GIGYF2: variants seen among roughly 807,000 people sequenced by gnomAD.
The protein encoded by GIGYF2 is GRB10 interacting GYF protein 2.
In GIGYF2, 25 loss-of-function variants were observed where a neutral mutation model predicts 208.1. The observed-to-expected ratio is 0.12, with a 90% CI of 0.09 to 0.17. The LOEUF (loss-of-function observed/expected upper bound fraction) is 0.17. Ranked by LOEUF, GIGYF2 falls within the 10% of genes least tolerant of loss-of-function variation. The pLI, the probability that GIGYF2 is intolerant of heterozygous loss-of-function variation, is 1.00. For synonymous variants in GIGYF2, 534 were observed against 543.8 expected, an observed-to-expected ratio of 0.98 and a Z score of 0.25; for missense variants, 1,302 against 1,579.4, an observed-to-expected ratio of 0.82 and a Z score of 2.98.
chr2:232,704,270 A>G (rs1695984603), intron 2 of GIGYF2, among the ~76,000 whole-genome samples: 1 of 152,132 alleles, frequency 6.6e-6, no homozygotes, highest in African/African-American at 2.4e-5. Context: ...TTCTAGGAAA[A>G]TGTCCTGTGT....
intron 28 of GIGYF2, among the ~76,000 whole-genome samples, chr2:232,852,982 T>C (rs1690418121): frequency 6.6e-6 from 1 of 152,164 alleles, no homozygotes; most frequent in African/African-American, 2.4e-5. Context: ...GGAATCCATA[T>C]ACCTTGAAGG....
chr2:232,839,229 A>G (rs941634519), intron 22 of GIGYF2, among the ~76,000 whole-genome samples: 9 of 152,200 alleles, frequency 5.9e-5, no homozygotes, highest in African/African-American at 1.9e-4. Context: ...AATATTCAGG[A>G]CCTAGATATT....
At chr2:232,811,396 TGAAA>T (rs1574912132) in intron 17 of GIGYF2, 45 bp downstream of exon 17, 1 of 1,124,220 alleles carries the variant, frequency 8.9e-7, no homozygotes, top group Non-Finnish European at 1.4e-6. Flanking sequence ...GCATGTGTTG[TGAAA>T]GAAAGAGAAG....
chr2:232,701,670 C>T (rs192407444), intron 1 of GIGYF2, among the ~76,000 whole-genome samples: 30 of 151,968 alleles, frequency 2.0e-4, no homozygotes, highest in African/African-American at 5.5e-4. Flanking sequence ...GTGATACTCC[C>T]GCTTCAGCTT....
chr2:232,724,817 C>T (rs1697125026), intron 2 of GIGYF2: 1 of 152,096 alleles, frequency 6.6e-6, no homozygotes, highest in South Asian at 2.1e-4. Context: ...TCTCCTAAAG[C>T]TTTGGGATTA....
intron 27 of GIGYF2, among the ~76,000 whole-genome samples, chr2:232,848,664 C>G (rs1559168941): frequency 6.6e-6 from 1 of 151,896 alleles, no homozygotes; most frequent in African/African-American, 2.4e-5. Context: ...AAATCATTAA[C>G]AAAAAGCACA....
At chr2:232,714,231 G>A (rs1030428974) in intron 2 of GIGYF2, among the ~76,000 whole-genome samples, 1 of 152,080 alleles carries the variant, frequency 6.6e-6, no homozygotes, top group African/African-American at 2.4e-5. Context: ...GATTACAGGC[G>A]TGAGCCACCA....
chr2:232,738,662 A>G lies in GIGYF2; in HGVS notation c.41+3424A>G, dbSNP rs527257959. Among the ~76,000 whole-genome samples the G allele has an allele frequency of 2.1e-4, 32 of 152,338 alleles. 1 individual carries two copies. In the South Asian group the frequency reaches 4.8e-3, roughly 23 times the overall value. On this transcript the variant is annotated intron_variant, in intron 3 of 28. Transcript: ENST00000373563. ...CCTGGCACATAGGTACTGAATAAATATTTATTAAATGGATGAATGAATTGT... is the reference window on the plus strand; with the variant it reads ...CCTGGCACATAGGTACTGAATAAATGTTTATTAAATGGATGAATGAATTGT...
intron 9 of GIGYF2, among the ~76,000 whole-genome samples, chr2:232,789,142 C>T (rs189763039): frequency 1.1e-4 from 16 of 152,196 alleles, no homozygotes; most frequent in Admixed American, 9.2e-4. Flanking sequence ...CAGCAGTCAG[C>T]CTTAATAAGT....
chr2:232,852,412 G>T (rs145504260), intron 28 of GIGYF2, among the ~76,000 whole-genome samples: 1,672 of 152,262 alleles, frequency 0.011, 14 homozygotes, highest in Middle Eastern at 0.041. Context: ...GGGCGTGGTG[G>T]TGGGTGCCTA....
At chr2:232,717,523 G>C (rs2106266759) in intron 2 of GIGYF2, among the ~76,000 whole-genome samples, 1 of 152,190 alleles carries the variant, frequency 6.6e-6, no homozygotes, top group East Asian at 1.9e-4. Context: ...GTACTTTCCT[G>C]ACATCTATCA....
intron 2 of GIGYF2, among the ~76,000 whole-genome samples, chr2:232,711,724 T>TATATATATATATATATATAG (rs1696419377): frequency 1.3e-5 from 2 of 148,322 alleles, no homozygotes; most frequent in African/African-American, 4.9e-5. Context: ...TATATATATA[T>TATATATATATATATATATAG]ATAGTTGTAA....
chr2:232,838,286 G>GCATATGTGTGTGTGCATGTA (rs1701712517), intron 22 of GIGYF2, among the ~76,000 whole-genome samples: 1 of 151,042 alleles, frequency 6.6e-6, no homozygotes, highest in East Asian at 1.9e-4. Flanking sequence ...GTGTGCATGT[G>GCATATGTGTGTGTGCATGTA]TATATATATA....
chr2:232,725,597 A>G (rs866085960), intron 2 of GIGYF2, among the ~76,000 whole-genome samples: 10 of 152,364 alleles, frequency 6.6e-5, no homozygotes, highest in African/African-American at 2.2e-4. Flanking sequence ...TTAGCTCTCA[A>G]TAAATGCTAG....
chr2:232,707,949 C>G (rs188006098), intron 2 of GIGYF2, among the ~76,000 whole-genome samples: 1 of 151,234 alleles, frequency 6.6e-6, no homozygotes, highest in African/African-American at 2.4e-5. Context: ...TTTTGCATTT[C>G]TTTTTTTTAA....
At chr2:232,813,605 C>T (rs147798280) in intron 18 of GIGYF2, among the ~76,000 whole-genome samples, 1 of 152,228 alleles carries the variant, frequency 6.6e-6, no homozygotes, top group East Asian at 1.9e-4. Flanking sequence ...TGAAGATCCT[C>T]AAGAACTATA....
chr2:232,838,645 A>G (rs1420142668), intron 22 of GIGYF2, among the ~76,000 whole-genome samples: 1 of 152,106 alleles, frequency 6.6e-6, no homozygotes, highest in Non-Finnish European at 1.5e-5. Context: ...GGGCCTCTAC[A>G]TTTTTATAGG....
At chr2:232,792,598 A>G (rs1700102979) in intron 12 of GIGYF2, among the ~76,000 whole-genome samples, 1 of 152,092 alleles carries the variant, frequency 6.6e-6, no homozygotes, top group Non-Finnish European at 1.5e-5. Flanking sequence ...AACAACAACA[A>G]AAATGAGACA....
At chr2:232,802,849 C>T (rs547604684) in intron 14 of GIGYF2, among the ~76,000 whole-genome samples, 2 of 150,362 alleles carry the variant, frequency 1.3e-5, no homozygotes, top group African/African-American at 2.4e-5. Context: ...ATGTTTGGTG[C>T]GTTTTTCACC....
Sources: allele counts gnomAD v4.1 joint callset (sites outside exome capture counted in the v4.1 genomes callset), GRCh38; gene constraint gnomAD v4.1.1; transcripts MANE v1.5; gene names NCBI Gene and HGNC (gene_info 2026-07-23, HGNC 2026-07-21).